ARID1B: variants seen among roughly 807,000 people sequenced by gnomAD.
ARID1B encodes the protein AT-rich interaction domain 1B, also known as AT-rich interactive domain-containing protein 1B.
In ARID1B, 30 loss-of-function variants were observed where a neutral mutation model predicts 212.3. That is an observed-to-expected ratio of 0.14 (90% CI 0.11 to 0.19). The LOEUF (loss-of-function observed/expected upper bound fraction) is 0.19, where lower values mean the gene tolerates loss of function less well. Among genes scored for constraint, ARID1B ranks in the 10% least tolerant of loss-of-function variants. The probability of loss-of-function intolerance (pLI) is 1.00; values close to 1 mark genes in which losing one functional copy is unlikely to be tolerated. For synonymous variants in ARID1B, 1,402 were observed against 1,301.7 expected, an observed-to-expected ratio of 1.08 and a Z score of -1.66; for missense variants, 2,891 against 3,204.0, an observed-to-expected ratio of 0.90 and a Z score of 2.36.
At chr6:156,897,180 TTGCTGCTGCTACTGC>T (rs1428117183) in intron 2 of ARID1B, among the ~76,000 whole-genome samples, 13 of 145,830 alleles carry the variant, frequency 8.9e-5, no homozygotes, top group African/African-American at 2.0e-4. Flanking sequence ...AATTCTTCTT[TTGCTGCTGCTACTGC>T]TGCTGCTGCT....
chr6:157,144,004 C>T (rs182565690), intron 7 of ARID1B, among the ~76,000 whole-genome samples: 2 of 152,320 alleles, frequency 1.3e-5, no homozygotes, highest in African/African-American at 4.8e-5. Context: ...TGTGCTCGAA[C>T]GCATGCTCCC....
At chr6:157,137,906 T>A (rs1789047583) in intron 7 of ARID1B, among the ~76,000 whole-genome samples, 1 of 152,246 alleles carries the variant, frequency 6.6e-6, no homozygotes, top group Admixed American at 6.5e-5. Flanking sequence ...TTAAAGATTT[T>A]TTTTTTCACT....
chr6:157,121,999 A>C (rs966107176), intron 6 of ARID1B, among the ~76,000 whole-genome samples: 1 of 152,182 alleles, frequency 6.6e-6, no homozygotes, highest in African/African-American at 2.4e-5. Context: ...GCTGCAGAAC[A>C]CACTGGAAAG....
intron 2 of ARID1B, among the ~76,000 whole-genome samples, chr6:156,867,135 A>G (rs1785758788): frequency 6.6e-6 from 1 of 152,242 alleles, no homozygotes; most frequent in African/African-American, 2.4e-5. Flanking sequence ...TTGACAACCA[A>G]CAAGAGGTGT....
At chr6:157,103,428 T>G (rs1007121582) in intron 5 of ARID1B, among the ~76,000 whole-genome samples, 5 of 152,234 alleles carry the variant, frequency 3.3e-5, no homozygotes, top group Admixed American at 2.0e-4. Context: ...TGTGTCCAGT[T>G]GTAAAAAATC....
intron 2 of ARID1B, among the ~76,000 whole-genome samples, chr6:156,836,278 A>T (rs1783505853): frequency 6.6e-6 from 1 of 152,152 alleles, no homozygotes; most frequent in Non-Finnish European, 1.5e-5. Flanking sequence ...CCCCCCACGG[A>T]TGCCCAAGGA....
At chr6:156,883,069 C>A (rs4870494) in intron 2 of ARID1B, among the ~76,000 whole-genome samples, 42,741 of 152,074 alleles carry the variant, frequency 0.28, 6,180 homozygotes, top group Non-Finnish European at 0.33. Flanking sequence ...TTCTTCTGGC[C>A]TCCCTGGGAG....
At chr6:157,013,623 G>C (rs1192584004) in intron 4 of ARID1B, among the ~76,000 whole-genome samples, 1 of 152,154 alleles carries the variant, frequency 6.6e-6, no homozygotes, top group Non-Finnish European at 1.5e-5. Context: ...AATAACCCTG[G>C]TATCCAACAC....
At chr6:157,044,581 C>A (rs1039768173) in intron 4 of ARID1B, among the ~76,000 whole-genome samples, 2 of 152,194 alleles carry the variant, frequency 1.3e-5, no homozygotes, top group African/African-American at 4.8e-5. Context: ...TTTTCTGATC[C>A]ATCTAACTTA....
rs115327750 is a variant in ARID1B at position 157,046,984 on chromosome 6, A to G, written c.2248-37678A>G. ...GCTTCCCAGGCCTGTGTACTTTATG[A>G]AAAAATTCCAGCAATGCCTGTGTTG... On this transcript the variant is annotated intron_variant, in intron 4 of 19. Transcript: ENST00000636930. 6.4e-3 allele frequency among the ~76,000 whole-genome samples: 978 copies of G among 152,282 alleles called. 5 individuals carry two copies. Among genetic ancestry groups the G allele is most frequent in the African/African-American group, 0.022 (933 of 41,550 alleles).
intron 4 of ARID1B, among the ~76,000 whole-genome samples, chr6:157,043,522 G>A (rs927390080): frequency 1.3e-5 from 2 of 152,162 alleles, no homozygotes; most frequent in Non-Finnish European, 2.9e-5. Flanking sequence ...AATATGGTAA[G>A]CTTAGAGAAT....
intron 1 of ARID1B, among the ~76,000 whole-genome samples, chr6:156,805,149 ACT>A (rs1781067899): frequency 6.6e-6 from 1 of 152,272 alleles, no homozygotes; most frequent in African/African-American, 2.4e-5. Context: ...CTCTCAGCTT[ACT>A]CAGTAGGCCA....
intron 4 of ARID1B, 45 bp downstream of exon 4, chr6:156,935,621 C>T (rs1356418169): frequency 6.0e-6 from 9 of 1,495,584 alleles, no homozygotes; most frequent in Non-Finnish European, 8.3e-6. Context: ...GAGTTAAAGA[C>T]TTTTAGAAAG....
At chr6:157,055,629 T>G (rs956153611) in intron 4 of ARID1B, among the ~76,000 whole-genome samples, 4 of 152,196 alleles carry the variant, frequency 2.6e-5, no homozygotes, top group Non-Finnish European at 5.9e-5. Context: ...TGTATTAATT[T>G]TCTGTTGCTG....
intron 5 of ARID1B, among the ~76,000 whole-genome samples, chr6:157,104,070 C>T (rs1489518232): frequency 6.6e-6 from 1 of 151,984 alleles, no homozygotes; most frequent in African/African-American, 2.4e-5. Context: ...CTCCTGACCT[C>T]GTGATCCACC....
At chr6:156,823,921 G>A (rs960227421) in intron 1 of ARID1B, among the ~76,000 whole-genome samples, 1 of 152,076 alleles carries the variant, frequency 6.6e-6, no homozygotes, top group African/African-American at 2.4e-5. Flanking sequence ...TATATTTAAA[G>A]TATACTAAAA....
At chr6:157,124,817 C>G (rs891137327) in intron 6 of ARID1B, among the ~76,000 whole-genome samples, 2 of 151,698 alleles carry the variant, frequency 1.3e-5, no homozygotes, top group African/African-American at 4.8e-5. Context: ...CCTCACAAAT[C>G]AACCTCTGTG....
chr6:157,026,647 G>C (rs1039075532), intron 4 of ARID1B, among the ~76,000 whole-genome samples: 3 of 152,070 alleles, frequency 2.0e-5, no homozygotes, highest in African/African-American at 7.2e-5. Context: ...AGGAGTGTTT[G>C]TAATCATCAC....
intron 4 of ARID1B, chr6:157,024,055 A>G (rs1780494774): frequency 6.6e-6 from 1 of 152,230 alleles, no homozygotes; most frequent in South Asian, 2.1e-4. Flanking sequence ...TTCATATGAG[A>G]TTTATCTGCC....
Sources: gnomAD v4.1 joint callset for allele counts (sites outside exome capture counted in the v4.1 genomes callset) on GRCh38, gnomAD v4.1.1 for gene constraint, MANE v1.5 for transcripts, NCBI Gene and HGNC (gene_info 2026-07-23, HGNC 2026-07-21) for gene names.